The following HEATR5B variants were observed in gnomAD, a reference collection of about 807,000 sequenced individuals.
HEATR5B encodes HEAT repeat-containing protein 5B.
In HEATR5B, 156 loss-of-function variants were observed where a neutral mutation model predicts 224.1. That is an observed-to-expected ratio of 0.70 (90% CI 0.61 to 0.80). HEATR5B has a LOEUF of 0.80. HEATR5B is among the 30% of genes least tolerant of loss of function. HEATR5B has a pLI of 0.00. For missense variants in HEATR5B, 2,323 were observed against 2,535.5 expected (o/e 0.92, Z 1.80); for synonymous variants, 1,027 against 893.0 (o/e 1.15, Z -2.68).
At position 37,049,817 on chromosome 2, in the gene HEATR5B, T is replaced by C. The variant is rs1009750612; in HGVS notation, c.2532A>G (p.Leu844=). The part of the protein sequence containing the change: ...LKGLAENKST[L]GPEEVRKSAL... ...CAGATTTACGAACTTCCTCAGGTCC[T>C]AAAGTACTTTTGTTTTCAGCTAAGC... is the stretch of plus-strand genomic sequence containing the variant. Residue 844 remains leucine, a synonymous_variant, in exon 18 of 36, where the codon TTA becomes TTG. Coordinates refer to ENST00000233099, the MANE Select transcript of HEATR5B (RefSeq NM_019024.3). 6 of 1,493,598 alleles carry C rather than the reference T, an allele frequency of 4.0e-6. No individual in the cohort carries two copies. In the African/African-American group the frequency reaches 9.3e-5, roughly 23 times the overall value. 92.5% of individuals were successfully genotyped at this position (1,493,598 alleles called of 1,614,324 possible).
At chr2:36,989,774 C>A (rs1032341713) in intron 34 of HEATR5B, among the ~76,000 whole-genome samples, 1 of 151,840 alleles carries the variant, frequency 6.6e-6, no homozygotes, top group African/African-American at 2.4e-5. Flanking sequence ...TTTGGTAGAA[C>A]ACAAGTGGCT....
chr2:37,077,031 G>A lies in HEATR5B; in HGVS notation c.339-12C>T, dbSNP rs1433291288. 1 of 1,582,826 alleles carries A rather than the reference G, an allele frequency of 6.3e-7. No homozygotes were observed. The highest frequency in any genetic ancestry group is 2.2e-5 in the East Asian group (1 of 44,716). On this transcript the variant is annotated splice_polypyrimidine_tract_variant and intron_variant, in intron 3 of 35. Coordinates refer to ENST00000233099, the MANE Select transcript of HEATR5B (RefSeq NM_019024.3). The stretch of plus-strand genomic sequence containing the variant: ...AAGCCACCGCAGCCCTGTAAGAAGT[G>A]ACAACTTCACTAGTCATTGTCCAGG...
chr2:37,046,107 TG>T (rs1217149778), intron 18 of HEATR5B, among the ~76,000 whole-genome samples: 1 of 152,136 alleles, frequency 6.6e-6, no homozygotes, highest in Non-Finnish European at 1.5e-5. Context: ...TTTTGAACAA[TG>T]GAAAGGATCA....
chr2:37,026,199 C>T (rs1455978307), intron 24 of HEATR5B, among the ~76,000 whole-genome samples: 6 of 152,132 alleles, frequency 3.9e-5, no homozygotes, highest in East Asian at 3.9e-4. Context: ...GAGAGGGAGC[C>T]GTGAGCCAGG....
At chr2:37,070,493 G>T (rs1026431756) in intron 6 of HEATR5B, 106 bp from the exon 7 acceptor site, 7 of 786,772 alleles carry the variant, frequency 8.9e-6, no homozygotes, top group Admixed American at 6.1e-5. Context: ...ATGGGGAAAT[G>T]GTTTAGTTTC....
intron 35 of HEATR5B, among the ~76,000 whole-genome samples, chr2:36,984,464 G>A (rs1241230211): frequency 6.6e-6 from 1 of 151,654 alleles, no homozygotes; most frequent in Non-Finnish European, 1.5e-5. Flanking sequence ...AATACTTTGG[G>A]ATTTTATTTG....
intron 16 of HEATR5B, 38 bp downstream of exon 16, chr2:37,056,402 A>G (rs1670915293): frequency 2.8e-6 from 4 of 1,449,814 alleles, no homozygotes; most frequent in South Asian, 1.4e-5. Flanking sequence ...AACATAATAT[A>G]TATTTAACAA....
intron 26 of HEATR5B, among the ~76,000 whole-genome samples, chr2:37,014,451 C>T (rs943501680): frequency 3.3e-5 from 5 of 151,776 alleles, no homozygotes; most frequent in Non-Finnish European, 2.9e-5. Flanking sequence ...TGTGAGCCAC[C>T]GTGCCCAGCC....
At chr2:37,070,919 T>C (rs553330839) in intron 6 of HEATR5B, among the ~76,000 whole-genome samples, 1 of 152,326 alleles carries the variant, frequency 6.6e-6, no homozygotes, top group South Asian at 2.1e-4. Context: ...TGGCTAAGAA[T>C]TCAAGCTTTG....
chr2:36,982,863 TACACAC>T (rs3836070), intron 35 of HEATR5B, among the ~76,000 whole-genome samples: 1,488 of 126,034 alleles, frequency 0.012, 18 homozygotes, highest in African/African-American at 0.034. Context: ...CAGACACAGA[TACACAC>T]ACACACACAC....
chr2:37,066,221 C>G (rs1671579569), intron 8 of HEATR5B, among the ~76,000 whole-genome samples: 1 of 152,162 alleles, frequency 6.6e-6, no homozygotes, highest in South Asian at 2.1e-4. Flanking sequence ...GACTCGGGTT[C>G]AAATCCCAAT....
chr2:37,051,274 T>C (rs567391724), intron 17 of HEATR5B, among the ~76,000 whole-genome samples: 2 of 142,316 alleles, frequency 1.4e-5, no homozygotes, highest in Middle Eastern at 3.9e-3. Flanking sequence ...GAGAATCGCT[T>C]GAACCTGGGA....
chr2:37,032,817 G>C (rs745629372), intron 21 of HEATR5B, 44 bp from the exon 22 acceptor site: 1 of 1,549,410 alleles, frequency 6.5e-7, no homozygotes, highest in Non-Finnish European at 8.8e-7. Context: ...TTAAAAAGCT[G>C]TAATTCTTTA....
rs147110692 is a variant in HEATR5B at position 36,998,766 on chromosome 2, T to C, written c.5545+1820A>G. Reference sequence around the variant, plus strand: ...GTTATTGTTGAGTCACAGAATGAGATGACATTATTTATGTAAATTTTAAAA... The same window carrying C: ...GTTATTGTTGAGTCACAGAATGAGACGACATTATTTATGTAAATTTTAAAA... On this transcript the variant is annotated intron_variant, in intron 33 of 35. Coordinates refer to ENST00000233099, the MANE Select transcript of HEATR5B (RefSeq NM_019024.3). 6.0e-4 allele frequency among the ~76,000 whole-genome samples: 91 copies of C among 152,262 alleles called. No homozygotes were observed. In the East Asian group the frequency reaches 0.013, roughly 21 times the overall value.
chr2:37,041,338 A>C (rs2148499804), intron 18 of HEATR5B, 46 bp from the exon 19 acceptor site: 3 of 1,579,324 alleles, frequency 1.9e-6, no homozygotes, highest in Middle Eastern at 3.4e-4. Context: ...CTATTTCCCT[A>C]TAAAAACAAC....
At chr2:37,033,487 G>C (rs1305247168) in intron 21 of HEATR5B, among the ~76,000 whole-genome samples, 4 of 152,126 alleles carry the variant, frequency 2.6e-5, no homozygotes, top group African/African-American at 9.7e-5. Context: ...TTAGGGGGCA[G>C]AGCACACCAT....
chr2:37,010,337 T>C (rs1019392509), intron 27 of HEATR5B, among the ~76,000 whole-genome samples: 1 of 152,146 alleles, frequency 6.6e-6, no homozygotes, highest in Non-Finnish European at 1.5e-5. Context: ...TGCAAGCTTC[T>C]TGATGAGAAG....
At chr2:37,069,668 T>C (rs1671788611) in intron 7 of HEATR5B, among the ~76,000 whole-genome samples, 1 of 152,200 alleles carries the variant, frequency 6.6e-6, no homozygotes, top group African/African-American at 2.4e-5. Flanking sequence ...AAGCAAAATG[T>C]AGGAACTTCA....
Position 37,047,035 on chromosome 2 carries a change from C to CAAAAAAAA in HEATR5B, c.2696+2610_2696+2617dup, listed in dbSNP as rs57343074. On this transcript the variant is annotated intron_variant, in intron 18 of 35. Transcript: ENST00000233099. ...TCTGCAACAGAACCAGACTCCACCT[C>CAAAAAAAA]AAAAAAAAAAAAAAAAAAAAAAAAG... Among the ~76,000 whole-genome samples, 106 of 45,358 alleles carry CAAAAAAAA rather than the reference C, an allele frequency of 2.3e-3. 2 individuals carry two copies. Among genetic ancestry groups the CAAAAAAAA allele is most frequent in the Non-Finnish European group, 3.2e-3 (80 of 25,204 alleles). 29.8% of individuals were successfully genotyped at this position (45,358 alleles called of 152,430 possible).
Sources: allele counts gnomAD v4.1 joint callset (sites outside exome capture counted in the v4.1 genomes callset), GRCh38; gene constraint gnomAD v4.1.1; transcripts MANE v1.5; gene names NCBI Gene and HGNC (gene_info 2026-07-23, HGNC 2026-07-21).